Variants in LRRN2 observed in about 807,000 individuals in gnomAD.
LRRN2 encodes the protein leucine-rich repeat neuronal protein 2.
Under a neutral mutation model 35.7 loss-of-function variants are expected in LRRN2, and 10 were observed. The ratio of observed to expected loss-of-function variants is 0.28; its 90% confidence interval spans 0.17 to 0.47. The LOEUF (loss-of-function observed/expected upper bound fraction) is 0.47, where lower values mean the gene tolerates loss of function less well. LRRN2 is among the 20% of genes least tolerant of loss of function. The pLI, the probability that LRRN2 is intolerant of heterozygous loss-of-function variation, is 0.99. For missense variants in LRRN2, 731 were observed against 940.3 expected (o/e 0.78, Z 2.91); for synonymous variants, 391 against 409.6 (o/e 0.95, Z 0.55).
Position 204,638,102 on chromosome 1 carries a change from C to T in LRRN2, c.-226-17884G>A, listed in dbSNP as rs1319776469. ...CCAACAGTGATTGCCTGCTCTCACC[C>T]ACCCACCCCCCGCCCCGAACATCAG... On this transcript the variant is annotated intron_variant, in intron 1 of 1. Coordinates refer to ENST00000367177, the MANE Select transcript of LRRN2 (RefSeq NM_201630.2). Among the ~76,000 whole-genome samples, 53 of 149,758 alleles carry T rather than the reference C, an allele frequency of 3.5e-4. 1 individual carries two copies. The highest frequency in any genetic ancestry group is 8.7e-4 in the Admixed American group (13 of 15,022).
intron 1 of LRRN2, among the ~76,000 whole-genome samples, chr1:204,676,399 T>C (rs1668825500): frequency 6.6e-6 from 1 of 152,162 alleles, no homozygotes; most frequent in African/African-American, 2.4e-5. Context: ...GCTAGCAACT[T>C]TCCAGGCCCA....
intron 1 of LRRN2, among the ~76,000 whole-genome samples, chr1:204,653,444 T>C (rs745846172): frequency 3.2e-4 from 48 of 152,262 alleles, no homozygotes; most frequent in Non-Finnish European, 1.0e-4. Flanking sequence ...AATGATAGGC[T>C]GACCCTTACT....
chr1:204,654,036 A>C (rs1046415970), intron 1 of LRRN2, among the ~76,000 whole-genome samples: 2,780 of 74,378 alleles, frequency 0.037, 83 homozygotes, highest in African/African-American at 0.12. Context: ...ACCCTGACAA[A>C]AAAAAAAAAA....
At chr1:204,653,582 C>T (rs561060281) in intron 1 of LRRN2, among the ~76,000 whole-genome samples, 66 of 152,248 alleles carry the variant, frequency 4.3e-4, no homozygotes, top group Admixed American at 1.4e-3. Context: ...GAGATTGGCC[C>T]GGGTGCAGTG....
chr1:204,672,770 T>C (rs1242637052), intron 1 of LRRN2, among the ~76,000 whole-genome samples: 2 of 152,156 alleles, frequency 1.3e-5, no homozygotes, highest in Non-Finnish European at 2.9e-5. Flanking sequence ...ACCTTGCTCC[T>C]CTTCCAGCTG....
At position 204,621,917 on chromosome 1, in the gene LRRN2, G is replaced by A. The variant is rs372046329; in HGVS notation, c.-226-1699C>T. The A allele has an allele frequency of 3.0e-5, 5 of 167,228 alleles. No homozygotes were observed. In the East Asian group the frequency reaches 9.6e-4, roughly 32 times the overall value. 10.4% of individuals were successfully genotyped at this position (167,228 alleles called of 1,614,324 possible). On this transcript the variant is annotated intron_variant, in intron 1 of 1. Transcript: ENST00000367177. Reference sequence around the variant, plus strand: ...CTACCATTGCTCAGGACTCTTTGAAGACTCTGAATGTCTTTTTTCATATGA... The same window carrying A: ...CTACCATTGCTCAGGACTCTTTGAAAACTCTGAATGTCTTTTTTCATATGA...
rs1300733468 is a variant in LRRN2 at position 204,685,569 on chromosome 1, C to G, written c.-476G>C. 1 of 151,926 alleles carries G rather than the reference C, an allele frequency of 6.6e-6. No homozygotes were observed. The highest frequency in any genetic ancestry group is 1.9e-4 in the East Asian group (1 of 5,150). 9.4% of individuals were successfully genotyped at this position (151,926 alleles called of 1,614,324 possible). On this transcript the variant is annotated 5_prime_UTR_variant, in exon 1 of 2. Coordinates refer to ENST00000367177, the MANE Select transcript of LRRN2 (RefSeq NM_201630.2). ...CCACCCCCTCTCCGCGCCCTGGGCG[C>G]GTCGCGGCCGGAGGCTGGCGGGCGA...
At chr1:204,653,420 C>T (rs1489294666) in intron 1 of LRRN2, among the ~76,000 whole-genome samples, 1 of 152,248 alleles carries the variant, frequency 6.6e-6, no homozygotes, top group Non-Finnish European at 1.5e-5. Context: ...ACGGCTGCTT[C>T]TCCCTTGCCA....
intron 1 of LRRN2, among the ~76,000 whole-genome samples, chr1:204,644,518 G>C (rs1279496438): frequency 6.6e-6 from 1 of 152,126 alleles, no homozygotes; most frequent in African/African-American, 2.4e-5. Context: ...TCAGGTCTTT[G>C]AACCTGTTGT....
intron 1 of LRRN2, among the ~76,000 whole-genome samples, chr1:204,641,263 T>C (rs1244142227): frequency 1.3e-5 from 2 of 152,256 alleles, no homozygotes; most frequent in Non-Finnish European, 2.9e-5. Flanking sequence ...AAAACAATTA[T>C]GTAATCCTCC....
At chr1:204,677,414 A>G (rs553719988) in intron 1 of LRRN2, among the ~76,000 whole-genome samples, 2 of 152,294 alleles carry the variant, frequency 1.3e-5, no homozygotes, top group Admixed American at 1.3e-4. Flanking sequence ...TCTATACTTC[A>G]GAGGTGAGTT....
At chr1:204,679,638 C>G (rs1047354534) in intron 1 of LRRN2, among the ~76,000 whole-genome samples, 6 of 152,168 alleles carry the variant, frequency 3.9e-5, no homozygotes, top group Non-Finnish European at 8.8e-5. Flanking sequence ...TAGAGCTATC[C>G]CACTGACAGC....
chr1:204,662,496 C>T (rs1333787784), intron 1 of LRRN2, among the ~76,000 whole-genome samples: 2 of 152,314 alleles, frequency 1.3e-5, no homozygotes, highest in African/African-American at 4.8e-5. Flanking sequence ...AATCTGAACT[C>T]GGCTCCATAT....
At chr1:204,665,707 C>T (rs1433651224) in intron 1 of LRRN2, among the ~76,000 whole-genome samples, 2 of 152,240 alleles carry the variant, frequency 1.3e-5, no homozygotes, top group Non-Finnish European at 2.9e-5. Context: ...GCTGCTCAAG[C>T]AAGCCCATCT....
chr1:204,635,429 T>C (rs2102596991), intron 1 of LRRN2, among the ~76,000 whole-genome samples: 1 of 152,242 alleles, frequency 6.6e-6, no homozygotes, highest in African/African-American at 2.4e-5. Context: ...TCCTAGCTCA[T>C]GGAGAGAGGT....
intron 1 of LRRN2, among the ~76,000 whole-genome samples, chr1:204,666,104 A>G (rs1165102611): frequency 1.3e-5 from 2 of 152,264 alleles, no homozygotes; most frequent in Admixed American, 6.5e-5. Context: ...GATGGCATAT[A>G]TTAATTTGGA....
At chr1:204,650,628 T>G (rs1021679229) in intron 1 of LRRN2, among the ~76,000 whole-genome samples, 2 of 152,154 alleles carry the variant, frequency 1.3e-5, no homozygotes, top group Admixed American at 6.5e-5. Flanking sequence ...GAGGGGTGTA[T>G]GTAGGAAGCC....
In LRRN2 at chr1:204,617,579, G is replaced by T; in HGVS notation, c.*272C>A. 4.4e-6 allele frequency: 2 copies of T among 456,888 alleles called. No homozygotes were observed. The highest frequency in any genetic ancestry group is 4.0e-6 in the Non-Finnish European group (1 of 252,964). 28.3% of individuals were successfully genotyped at this position (456,888 alleles called of 1,614,324 possible). A position where few individuals can be genotyped will look rare whatever the true frequency, so the allele number is the denominator to read the frequency against. On this transcript the variant is annotated 3_prime_UTR_variant, in exon 2 of 2. Coordinates refer to ENST00000367177, the MANE Select transcript of LRRN2 (RefSeq NM_201630.2). Reference sequence around the variant, plus strand: ...GGAGCCTCTGGGCAGAGAGAAGATGGGGAGGCAGGAGGCTCTAGCCAAAGT... The same window carrying T: ...GGAGCCTCTGGGCAGAGAGAAGATGTGGAGGCAGGAGGCTCTAGCCAAAGT...
intron 1 of LRRN2, among the ~76,000 whole-genome samples, chr1:204,650,475 G>A (rs372153465): frequency 5.4e-4 from 82 of 152,314 alleles, no homozygotes; most frequent in African/African-American, 1.8e-3. Flanking sequence ...AGGGTCAGGG[G>A]TGAGGGTAGG....
Sources: allele counts gnomAD v4.1 joint callset (sites outside exome capture counted in the v4.1 genomes callset), GRCh38; gene constraint gnomAD v4.1.1; transcripts MANE v1.5; gene names NCBI Gene and HGNC (gene_info 2026-07-23, HGNC 2026-07-21).